Variants in RNLS observed in about 807,000 individuals in gnomAD.
RNLS encodes the protein renalase.
A neutral mutation model predicts 39.8 loss-of-function variants in RNLS; 39 were observed. The ratio of observed to expected loss-of-function variants is 0.98; its 90% confidence interval spans 0.76 to 1.28. RNLS has a LOEUF of 1.28. Ranked by LOEUF, RNLS falls within the 50% of genes most tolerant of loss-of-function variation. The pLI is 0.00. For missense variants in RNLS, 410 were observed against 413.3 expected (o/e 0.99, Z 0.07); for synonymous variants, 147 against 150.7 (o/e 0.98, Z 0.18).
Position 88,563,632 on chromosome 10 carries a change from T to C in RNLS, c.526+9271A>G, listed in dbSNP as rs193173165. Among the ~76,000 whole-genome samples, 6 of 151,988 alleles carry C rather than the reference T, an allele frequency of 3.9e-5. No homozygotes were observed. The East Asian group carries it at 1.2e-3, about 29-fold the overall frequency. ...TAGCCAGAGGTTGGAAAGAACAGAG[T>C]GACAGGAGGATGTGAGAAGCTTTGT... On this transcript the variant is annotated intron_variant, in intron 4 of 6. Transcript: ENST00000331772.
chr10:88,553,508 A>G (rs1025684045), intron 4 of RNLS, among the ~76,000 whole-genome samples: 2 of 152,190 alleles, frequency 1.3e-5, no homozygotes, highest in Non-Finnish European at 2.9e-5. Flanking sequence ...AAGTATAACA[A>G]TCTTAAGAAT....
At chr10:88,190,084 G>T in the RNLS span, among the ~76,000 whole-genome samples, 1 of 152,136 alleles carries the variant, frequency 6.6e-6, no homozygotes, top group Non-Finnish European at 1.5e-5. Context: ...CTGTGTTTGG[G>T]GTCCCCACTC....
the RNLS span, among the ~76,000 whole-genome samples, chr10:88,231,942 C>CTCTGTGTGTGTGTGTG: frequency 5.3e-5 from 8 of 149,676 alleles, no homozygotes; most frequent in African/African-American, 2.0e-4. Context: ...CACAGGATTT[C>CTCTGTGTGTGTGTGTG]TGTGTGTGTG....
chr10:88,440,426 C>T (rs1012811138), intron 4 of RNLS, among the ~76,000 whole-genome samples: 6 of 152,156 alleles, frequency 3.9e-5, no homozygotes, highest in African/African-American at 1.2e-4. Flanking sequence ...ATTCAAGATA[C>T]CTTCAGGTGC....
intron 6 of RNLS, among the ~76,000 whole-genome samples, chr10:88,295,185 C>T (rs1030309484): frequency 6.6e-6 from 1 of 152,120 alleles, no homozygotes; most frequent in Non-Finnish European, 1.5e-5. Context: ...TAACCATACA[C>T]TGAATCTTAT....
intron 5 of RNLS, among the ~76,000 whole-genome samples, chr10:88,356,271 A>C (rs1280633112): frequency 6.6e-6 from 1 of 152,174 alleles, no homozygotes; most frequent in Non-Finnish European, 1.5e-5. Context: ...CCGGTACCTC[A>C]GTTGGAAATG....
intron 5 of RNLS, among the ~76,000 whole-genome samples, chr10:88,344,080 G>A (rs546488425): frequency 2.0e-5 from 3 of 152,206 alleles, no homozygotes; most frequent in African/African-American, 7.2e-5. Context: ...TGTGTTAAGT[G>A]GTATTATGAT....
chr10:88,177,142 G>A, the RNLS span, among the ~76,000 whole-genome samples: 2 of 152,096 alleles, frequency 1.3e-5, no homozygotes, highest in African/African-American at 4.8e-5. Context: ...GACTTGGAAA[G>A]TTTTCAGCTA....
chr10:88,199,147 T>C, the RNLS span, among the ~76,000 whole-genome samples: 1 of 151,968 alleles, frequency 6.6e-6, no homozygotes, highest in African/African-American at 2.4e-5. Context: ...AGAAGAGAAG[T>C]GGTTAGGGGT....
intron 4 of RNLS, among the ~76,000 whole-genome samples, chr10:88,539,179 C>T (rs981282780): frequency 6.6e-6 from 1 of 152,098 alleles, no homozygotes; most frequent in Non-Finnish European, 1.5e-5. Flanking sequence ...TTATTATCTG[C>T]ATAACTAGGC....
intron 4 of RNLS, among the ~76,000 whole-genome samples, chr10:88,435,044 A>G (rs17112165): frequency 0.031 from 4,732 of 152,066 alleles, 111 homozygotes; most frequent in Non-Finnish European, 0.051. Context: ...AGCACTTTGT[A>G]AAGGACAGAG....
At chr10:88,231,051 C>T in the RNLS span, among the ~76,000 whole-genome samples, 1 of 152,166 alleles carries the variant, frequency 6.6e-6, no homozygotes, top group Non-Finnish European at 1.5e-5. Context: ...CTCAACCCAC[C>T]CTCAATTACT....
At chr10:88,517,871 T>C (rs1008729771) in intron 4 of RNLS, among the ~76,000 whole-genome samples, 4 of 151,900 alleles carry the variant, frequency 2.6e-5, no homozygotes, top group African/African-American at 9.7e-5. Context: ...AACACTGAAT[T>C]TTACACAATG....
intron 6 of RNLS, among the ~76,000 whole-genome samples, chr10:88,311,436 A>G: frequency 6.6e-6 from 1 of 152,238 alleles, no homozygotes; most frequent in Admixed American, 6.5e-5. Context: ...TGGAAGGCAA[A>G]TAGCTGCAAA....
intron 4 of RNLS, among the ~76,000 whole-genome samples, chr10:88,385,431 G>A (rs1051599705): frequency 1.3e-5 from 2 of 152,272 alleles, no homozygotes; most frequent in African/African-American, 4.8e-5. Flanking sequence ...TGGATGTCAG[G>A]TATTTCTATT....
Position 88,333,461 on chromosome 10 carries a change from C to G in RNLS, c.701-18820G>C, listed in dbSNP as rs554235748. 5.9e-5 allele frequency among the ~76,000 whole-genome samples: 9 copies of G among 152,274 alleles called. No individual in the cohort carries two copies. The East Asian group carries it at 1.7e-3, about 29-fold the overall frequency. On this transcript the variant is annotated intron_variant, in intron 5 of 6. Coordinates refer to ENST00000331772, the MANE Select transcript of RNLS (RefSeq NM_001031709.3). ...TTCTACAAATGAGCCCGCATATTTA[C>G]TTCCCGTTTAATAACGGAAACACAA... is the stretch of plus-strand genomic sequence containing the variant.
the RNLS span, among the ~76,000 whole-genome samples, chr10:88,244,627 C>T: frequency 1.3e-5 from 2 of 151,462 alleles, no homozygotes; most frequent in African/African-American, 2.4e-5. Flanking sequence ...GCTGTATCAT[C>T]TCGATATTAA....
chr10:88,437,540 G>A (rs1841479298), intron 4 of RNLS, among the ~76,000 whole-genome samples: 1 of 152,086 alleles, frequency 6.6e-6, no homozygotes, highest in Admixed American at 6.5e-5. Flanking sequence ...CCAGATTCCA[G>A]GATAATGGAC....
At chr10:88,565,376 G>A (rs72820087) in intron 4 of RNLS, among the ~76,000 whole-genome samples, 13,468 of 152,150 alleles carry the variant, frequency 0.089, 812 homozygotes, top group Admixed American at 0.17. Flanking sequence ...AAAACACAGA[G>A]AGAAGGGTAG....
Sources: gnomAD v4.1 joint callset for allele counts (sites outside exome capture counted in the v4.1 genomes callset) on GRCh38, gnomAD v4.1.1 for gene constraint, MANE v1.5 for transcripts, NCBI Gene and HGNC (gene_info 2026-07-23, HGNC 2026-07-21) for gene names.